Variants in ADAMTS3 observed in about 807,000 individuals in gnomAD.
The protein encoded by ADAMTS3 is ADAM metallopeptidase with thrombospondin type 1 motif 3, also known as A disintegrin and metalloproteinase with thrombospondin motifs 3.
Under a neutral mutation model 129.0 loss-of-function variants are expected in ADAMTS3, and 73 were observed. The ratio of observed to expected loss-of-function variants is 0.57; its 90% CI spans 0.47 to 0.69. The LOEUF is 0.69. Among genes scored for constraint, ADAMTS3 ranks in the 30% least tolerant of loss-of-function variants. The pLI is 0.00. For synonymous variants in ADAMTS3, 477 were observed against 510.8 expected, an observed-to-expected ratio of 0.93 and a Z score of 0.89; for missense variants, 1,457 against 1,514.5, an observed-to-expected ratio of 0.96 and a Z score of 0.63.
intron 3 of ADAMTS3, among the ~76,000 whole-genome samples, chr4:72,495,507 C>A (rs1262639776): frequency 6.6e-6 from 1 of 152,084 alleles, no homozygotes; most frequent in Non-Finnish European, 1.5e-5. Flanking sequence ...GGAAGGAATG[C>A]AGGAGACACT....
At position 72,400,319 on chromosome 4, in the gene ADAMTS3, TGTGTGTATATATACACACG is replaced by T. The variant is rs1183726011; in HGVS notation, c.661+14477_661+14495del. Among the ~76,000 whole-genome samples the T allele has an allele frequency of 4.4e-3, 635 of 145,266 alleles. 27 individuals carry two copies. The highest frequency in any genetic ancestry group is 0.014 in the African/African-American group (506 of 37,186). ...TACGTGTGTATATATGCACACATGGTGTGTGTATATATACACACGGTGTGTATATATACGTGTGCATAGA... is the reference window on the plus strand; with the variant it reads ...TACGTGTGTATATATGCACACATGGTGTGTGTATATATACGTGTGCATAGA... On this transcript the variant is annotated intron_variant, in intron 4 of 21. Coordinates refer to ENST00000286657, the MANE Select transcript of ADAMTS3 (RefSeq NM_014243.3).
At chr4:72,396,387 T>C (rs913065750) in intron 4 of ADAMTS3, among the ~76,000 whole-genome samples, 2 of 152,120 alleles carry the variant, frequency 1.3e-5, no homozygotes, top group Non-Finnish European at 2.9e-5. Context: ...TAACATGGTA[T>C]ATGACAAAGT....
chr4:72,461,518 G>C (rs1418872876), intron 3 of ADAMTS3, among the ~76,000 whole-genome samples: 4 of 151,704 alleles, frequency 2.6e-5, no homozygotes, highest in Non-Finnish European at 5.9e-5. Context: ...ATATACTCAG[G>C]CAATGGATAT....
At chr4:72,555,993 T>C (rs912355477) in intron 2 of ADAMTS3, among the ~76,000 whole-genome samples, 4 of 151,780 alleles carry the variant, frequency 2.6e-5, no homozygotes, top group Non-Finnish European at 5.9e-5. Flanking sequence ...GTGATTCAAT[T>C]AAACCTCTTT....
At chr4:72,421,638 G>A (rs1172178650) in intron 3 of ADAMTS3, among the ~76,000 whole-genome samples, 1 of 152,124 alleles carries the variant, frequency 6.6e-6, no homozygotes, top group Non-Finnish European at 1.5e-5. Context: ...AAGGAAACTA[G>A]ACATGTAAAA....
At chr4:72,379,741 G>C (rs1371721131) in intron 4 of ADAMTS3, among the ~76,000 whole-genome samples, 1 of 152,068 alleles carries the variant, frequency 6.6e-6, no homozygotes, top group African/African-American at 2.4e-5. Flanking sequence ...TCCATGCTTA[G>C]AAATGATGAT....
At chr4:72,528,821 G>C (rs960198626) in intron 3 of ADAMTS3, among the ~76,000 whole-genome samples, 4 of 152,032 alleles carry the variant, frequency 2.6e-5, no homozygotes, top group Admixed American at 1.3e-4. Flanking sequence ...ATACCAATCA[G>C]TCTGTCAATA....
intron 3 of ADAMTS3, among the ~76,000 whole-genome samples, chr4:72,524,534 C>A (rs1299157179): frequency 6.6e-6 from 1 of 151,574 alleles, no homozygotes; most frequent in Non-Finnish European, 1.5e-5. Flanking sequence ...ATGAATCATG[C>A]TTTATTATTA....
chr4:72,302,218 A>T (rs1718968009), intron 17 of ADAMTS3, among the ~76,000 whole-genome samples: 1 of 152,122 alleles, frequency 6.6e-6, no homozygotes, highest in Non-Finnish European at 1.5e-5. Context: ...CATAAAAAAA[A>T]TTGACAATGT....
At chr4:72,554,233 T>G (rs1478121773) in intron 2 of ADAMTS3, among the ~76,000 whole-genome samples, 1 of 152,218 alleles carries the variant, frequency 6.6e-6, no homozygotes, top group African/African-American at 2.4e-5. Flanking sequence ...TCAAAAGCTT[T>G]GAAGAGGCAA....
In ADAMTS3 at chr4:72,298,406, T is replaced by A; in HGVS notation, c.2461A>T (p.Thr821Ser). 1 of 1,611,484 alleles carries A rather than the reference T, an allele frequency of 6.2e-7. No individual in the cohort carries two copies. The highest frequency in any genetic ancestry group is 8.5e-7 in the Non-Finnish European group (1 of 1,178,274). Residue 821 changes from threonine (T) to serine (S), a missense_variant, in exon 18 of 22, where the codon ACA becomes TCA. Coordinates refer to ENST00000286657, the MANE Select transcript of ADAMTS3 (RefSeq NM_014243.3). The part of the protein sequence containing the change: ...PQENDTRSSL[T>S]YKYIIHEDSV... ...TCTTCATGGATGATGTACTTATATG[T>A]CAGGCTAGAGCGGGTATCATTTTCT... is the stretch of plus-strand genomic sequence containing the variant.
At chr4:72,452,341 A>G (rs1222842615) in intron 3 of ADAMTS3, among the ~76,000 whole-genome samples, 1 of 151,354 alleles carries the variant, frequency 6.6e-6, no homozygotes, top group East Asian at 2.0e-4. Context: ...TAGTTGGGAT[A>G]TGTATACTAG....
intron 3 of ADAMTS3, among the ~76,000 whole-genome samples, chr4:72,445,851 T>C (rs1424727968): frequency 1.3e-5 from 2 of 151,738 alleles, no homozygotes; most frequent in Admixed American, 1.3e-4. Flanking sequence ...ATCAGTTAAA[T>C]ATAATAATTC....
chr4:72,530,856 T>A (rs1397592848), intron 3 of ADAMTS3, among the ~76,000 whole-genome samples: 1 of 128,838 alleles, frequency 7.8e-6, no homozygotes, highest in Non-Finnish European at 1.6e-5. Context: ...ATATAATATT[T>A]TATATGATAT....
chr4:72,343,381 G>A (rs974127299), intron 4 of ADAMTS3, among the ~76,000 whole-genome samples: 2 of 152,112 alleles, frequency 1.3e-5, no homozygotes, highest in African/African-American at 4.8e-5. Flanking sequence ...TTTACAGGCT[G>A]TTCTTTGTTA....
In ADAMTS3 at chr4:72,331,131, TAGTC is replaced by T. The variant is rs890972289; in HGVS notation, c.862-8038_862-8035del. On this transcript the variant is annotated intron_variant, in intron 5 of 21. Coordinates refer to ENST00000286657, the MANE Select transcript of ADAMTS3 (RefSeq NM_014243.3). ...TTCAGTAAAAATCGAAGGGACCTCT[TAGTC>T]AGCAATACTGTGTGGATGTTGTGTT... Among the ~76,000 whole-genome samples the T allele has an allele frequency of 2.6e-5, 4 of 152,284 alleles. No homozygotes were observed. The South Asian group carries it at 6.2e-4, about 24-fold the overall frequency.
rs982690413 is a variant in ADAMTS3, at chr4:72,533,656, T to C, written c.504+14822A>G. 3.3e-5 allele frequency among the ~76,000 whole-genome samples: 5 copies of C among 151,926 alleles called. No homozygotes were observed. In the South Asian group the frequency reaches 8.3e-4, roughly 25 times the overall value. On this transcript the variant is annotated intron_variant, in intron 3 of 21. Coordinates refer to ENST00000286657, the MANE Select transcript of ADAMTS3 (RefSeq NM_014243.3). ...GTATATGCACATATGTATATATACA[T>C]ATATATGTATATGCACATATATGCA...
At chr4:72,356,847 C>T (rs1720594187) in intron 4 of ADAMTS3, among the ~76,000 whole-genome samples, 1 of 151,490 alleles carries the variant, frequency 6.6e-6, no homozygotes, top group Non-Finnish European at 1.5e-5. Context: ...TTACTTAAAG[C>T]CAAACATTAC....
Position 72,312,301 on chromosome 4 carries a change from T to G in ADAMTS3, c.1911A>C (p.Glu637Asp), listed in dbSNP as rs953526675. Residue 637 changes from glutamate to aspartate, a missense_variant, in exon 13 of 22, where the codon GAA becomes GAC. Coordinates refer to ENST00000286657, the MANE Select transcript of ADAMTS3 (RefSeq NM_014243.3). Reference sequence around the variant, plus strand: ...CACGAGGCTACTCACGGTCAGGATGTTCATATGGCAACCAGTGGTGTTTGG... The same window carrying G: ...CACGAGGCTACTCACGGTCAGGATGGTCATATGGCAACCAGTGGTGTTTGG... The part of the protein sequence containing the change: ...QNTKHHWLPY[E>D]HPDPKKRCHL... 1 of 1,613,594 alleles carries G rather than the reference T, an allele frequency of 6.2e-7. No homozygotes were observed. Among genetic ancestry groups the G allele is most frequent in the Non-Finnish European group, 8.5e-7 (1 of 1,179,672 alleles).
Sources: gnomAD v4.1 joint callset for allele counts (sites outside exome capture counted in the v4.1 genomes callset) on GRCh38, gnomAD v4.1.1 for gene constraint, MANE v1.5 for transcripts, NCBI Gene and HGNC (gene_info 2026-07-23, HGNC 2026-07-21) for gene names.